The following ANK1 variants were observed in gnomAD, a reference collection of about 807,000 sequenced individuals.
ANK1 encodes ankyrin-1.
Under a neutral mutation model 210.4 loss-of-function variants are expected in ANK1, and 51 were observed. That is an observed-to-expected ratio of 0.24 (90% CI 0.19 to 0.31). The LOEUF is 0.31. ANK1 is among the 10% of genes least tolerant of loss of function. The pLI, the probability that ANK1 is intolerant of heterozygous loss-of-function variation, is 1.00. For synonymous variants in ANK1, 967 were observed against 1,025.9 expected, an observed-to-expected ratio of 0.94 and a Z score of 1.10; for missense variants, 2,051 against 2,504.4, an observed-to-expected ratio of 0.82 and a Z score of 3.86.
At chr8:41,720,422 T>C (rs1828956007) in intron 9 of ANK1, among the ~76,000 whole-genome samples, 1 of 152,172 alleles carries the variant, frequency 6.6e-6, no homozygotes. Context: ...TGCAGTTCAG[T>C]TAAAGAAAAT....
chr8:41,882,736 G>A (rs532477243), intron 1 of ANK1, among the ~76,000 whole-genome samples: 3 of 152,366 alleles, frequency 2.0e-5, no homozygotes, highest in East Asian at 1.9e-4. Flanking sequence ...AGTGCTCTGG[G>A]CTGTGGGATT....
intron 1 of ANK1, among the ~76,000 whole-genome samples, chr8:41,765,657 G>A (rs1036148854): frequency 2.0e-4 from 30 of 152,210 alleles, no homozygotes; most frequent in Middle Eastern, 3.2e-3. Flanking sequence ...GAATGGAAGA[G>A]AAGGAAGGGA....
chr8:41,895,938 G>C (rs1235424999), intron 1 of ANK1, among the ~76,000 whole-genome samples: 1 of 151,696 alleles, frequency 6.6e-6, no homozygotes, highest in African/African-American at 2.4e-5. Flanking sequence ...CTGCAGCCGC[G>C]TTTACCCAAA....
Position 41,665,280 on chromosome 8 carries a change from G to C in ANK1, c.5395-1538C>G, listed in dbSNP as rs914924189. On this transcript the variant is annotated intron_variant, in intron 39 of 42. Coordinates refer to ENST00000289734, the MANE Select transcript of ANK1 (RefSeq NM_000037.4). ...AGCCAGGCTCTGCCCTGAGTGGCCC[G>C]GGTGACATCACGCTCCTATAATTTT... The C allele has an allele frequency of 2.0e-6, 3 of 1,483,766 alleles. No homozygotes were observed. In the Admixed American group the frequency reaches 6.1e-5, roughly 30 times the overall value. 91.9% of individuals were successfully genotyped at this position (1,483,766 alleles called of 1,614,324 possible).
chr8:41,788,487 C>A lies in ANK1; in HGVS notation c.27+9025G>T, dbSNP rs545042707. On this transcript the variant is annotated intron_variant, in intron 1 of 42. Transcript: ENST00000289734. ...ATCTCAGACCACAAGGGCACCTACA[C>A]GACCAGCCAGTCAATATCCCCAATA... is the stretch of plus-strand genomic sequence containing the variant. Among the ~76,000 whole-genome samples the A allele has an allele frequency of 2.0e-4, 30 of 152,310 alleles. No homozygotes were observed. In the South Asian group the frequency reaches 5.4e-3, roughly 27 times the overall value.
chr8:41,837,376 G>A (rs1007267737), intron 1 of ANK1, among the ~76,000 whole-genome samples: 12 of 152,088 alleles, frequency 7.9e-5, no homozygotes, highest in African/African-American at 2.9e-4. Flanking sequence ...TATTACTTGC[G>A]CTGTGGTCCT....
chr8:41,669,681 A>G (rs1346499372), intron 38 of ANK1, among the ~76,000 whole-genome samples: 1 of 151,932 alleles, frequency 6.6e-6, no homozygotes, highest in East Asian at 1.9e-4. Context: ...CTTACCCCAC[A>G]TTGTATTTGT....
chr8:41,737,670 A>G (rs1280459394), intron 2 of ANK1, among the ~76,000 whole-genome samples: 1 of 152,336 alleles, frequency 6.6e-6, no homozygotes, highest in East Asian at 1.9e-4. Context: ...TGTCTTTAAC[A>G]TAGTCACCCT....
chr8:41,684,335 A>AT, intron 37 of ANK1: 1 of 811,904 alleles, frequency 1.2e-6, no homozygotes, highest in East Asian at 2.6e-5. Context: ...GGCGGAGGCG[A>AT]TGCCCACCTG....
intron 1 of ANK1, among the ~76,000 whole-genome samples, chr8:41,845,452 T>C (rs1809836123): frequency 1.3e-5 from 2 of 151,930 alleles, no homozygotes; most frequent in African/African-American, 4.8e-5. Flanking sequence ...TTTCTGCTTG[T>C]ATTCTCTTTT....
rs2150840292 is a variant in ANK1 at position 41,894,856 on chromosome 8, T to C, written c.126+1499A>G. The stretch of plus-strand genomic sequence containing the variant: ...AGCAGAGGGACCTGCGGAGATTCTC[T>C]CTCGGTGGCACCAACCCAAACTCTG... On this transcript the variant is annotated intron_variant, in intron 1 of 42. Coordinates refer to the ANK1 transcript ENST00000265709. 2.6e-5 allele frequency among the ~76,000 whole-genome samples: 4 copies of C among 151,848 alleles called. 1 individual carries two copies. In the South Asian group the frequency reaches 8.3e-4, roughly 32 times the overall value.
chr8:41,739,159 C>T (rs1378554522), intron 2 of ANK1, among the ~76,000 whole-genome samples: 1 of 152,154 alleles, frequency 6.6e-6, no homozygotes, highest in Non-Finnish European at 1.5e-5. Flanking sequence ...TTTTTTCCCC[C>T]TCTTTTCTCT....
chr8:41,836,862 G>A (rs922723943), intron 1 of ANK1, among the ~76,000 whole-genome samples: 1 of 151,574 alleles, frequency 6.6e-6, no homozygotes, highest in Non-Finnish European at 1.5e-5. Flanking sequence ...GAAGGCTGCA[G>A]TGAGCTATGA....
At position 41,718,222 on chromosome 8, in the gene ANK1, G is replaced by C; in HGVS notation, c.1108-18C>G. On this transcript the variant is annotated intron_variant, in intron 10 of 42. Transcript: ENST00000289734. ...AAGCCATTCTGCAGCCCACACAAAG[G>C]GAGACAGACAAGCAGGAGCTTACAC... The C allele has an allele frequency of 6.2e-7, 1 of 1,611,674 alleles. No homozygotes were observed. Among genetic ancestry groups the C allele is most frequent in the Non-Finnish European group, 8.5e-7 (1 of 1,178,636 alleles).
intron 17 of ANK1, among the ~76,000 whole-genome samples, chr8:41,707,456 T>C (rs1824902280): frequency 6.6e-6 from 1 of 152,178 alleles, no homozygotes; most frequent in East Asian, 1.9e-4. Context: ...TGGGCAGTCA[T>C]GATGCCCCAC....
intron 1 of ANK1, among the ~76,000 whole-genome samples, chr8:41,821,835 G>A (rs777156197): frequency 1.7e-4 from 26 of 152,100 alleles, no homozygotes; most frequent in Non-Finnish European, 3.1e-4. Context: ...ATCACCTGAG[G>A]TCAGGAGTTG....
intron 1 of ANK1, among the ~76,000 whole-genome samples, chr8:41,814,469 G>A (rs890880775): frequency 6.6e-6 from 1 of 151,894 alleles, no homozygotes; most frequent in Non-Finnish European, 1.5e-5. Context: ...TTCCTTATTA[G>A]AATTCTGGAG....
In ANK1 at chr8:41,712,177, G is replaced by A. The variant is rs141480207; in HGVS notation, c.1800+1979C>T. 2.1e-4 allele frequency among the ~76,000 whole-genome samples: 32 copies of A among 152,182 alleles called. No homozygotes were observed. In the Middle Eastern group the frequency reaches 0.01, roughly 49 times the overall value. ...TGACCTCAAGCAATCTGCCTGTCTC[G>A]GCCTCCCAAAGTGCTGGGATTACAG... On this transcript the variant is annotated intron_variant, in intron 16 of 42. Transcript: ENST00000289734.
intron 39 of ANK1, chr8:41,665,490 C>A (rs1442181215): frequency 2.9e-6 from 1 of 347,598 alleles, no homozygotes; most frequent in Non-Finnish European, 5.7e-6. Flanking sequence ...CTGCCCATCC[C>A]CATGGGAACT....
Sources: gnomAD v4.1 joint callset for allele counts (sites outside exome capture counted in the v4.1 genomes callset) on GRCh38, gnomAD v4.1.1 for gene constraint, MANE v1.5 for transcripts, NCBI Gene and HGNC (gene_info 2026-07-23, HGNC 2026-07-21) for gene names.